The following DDHD1 variants were observed in gnomAD, a reference collection of about 807,000 sequenced individuals.
DDHD1 encodes the protein DDHD domain containing 1.
A neutral mutation model predicts 96.4 loss-of-function variants in DDHD1; 49 were observed. That is an observed-to-expected ratio of 0.51 (90% CI 0.40 to 0.64). The LOEUF (loss-of-function observed/expected upper bound fraction) is 0.64, where lower values mean the gene tolerates loss of function less well. Ranked by LOEUF, DDHD1 falls within the 30% of genes least tolerant of loss-of-function variation. The probability of loss-of-function intolerance (pLI) is 0.00; values close to 1 mark genes in which losing one functional copy is unlikely to be tolerated. For synonymous variants in DDHD1, 442 were observed against 446.5 expected (o/e 0.99, Z 0.13); for missense variants, 1,106 against 1,161.2 (o/e 0.95, Z 0.69).
chr14:53,050,812 A>G (rs1882477253), intron 12 of DDHD1, among the ~76,000 whole-genome samples: 1 of 152,096 alleles, frequency 6.6e-6, no homozygotes, highest in Non-Finnish European at 1.5e-5. Context: ...CTACAGGTTT[A>G]ACTACTTAGG....
intron 8 of DDHD1, among the ~76,000 whole-genome samples, chr14:53,059,415 T>C (rs1012152735): frequency 2.0e-5 from 3 of 151,750 alleles, no homozygotes; most frequent in Admixed American, 6.6e-5. Context: ...CAGCTAATTT[T>C]TTTGTATTTT....
chr14:53,149,686 T>C (rs1167935096), intron 1 of DDHD1: 1 of 152,160 alleles, frequency 6.6e-6, no homozygotes, highest in Non-Finnish European at 1.5e-5. Flanking sequence ...AAAATATAGA[T>C]AAAAATAGGT....
At chr14:53,070,220 G>A (rs1884400898) in intron 6 of DDHD1, among the ~76,000 whole-genome samples, 1 of 152,124 alleles carries the variant, frequency 6.6e-6, no homozygotes, top group African/African-American at 2.4e-5. Flanking sequence ...TAAAACTCCA[G>A]AAGGAAATCG....
At chr14:53,105,615 A>C (rs1294467041) in intron 1 of DDHD1, among the ~76,000 whole-genome samples, 1 of 151,926 alleles carries the variant, frequency 6.6e-6, no homozygotes, top group African/African-American at 2.4e-5. Context: ...CTGATTTCTT[A>C]TTTTTTCCAT....
intron 2 of DDHD1, among the ~76,000 whole-genome samples, chr14:53,099,697 T>C (rs1021202160): frequency 2.6e-5 from 4 of 152,212 alleles, no homozygotes; most frequent in African/African-American, 4.8e-5. Flanking sequence ...AAATTACTTG[T>C]TGACATCTTG....
intron 1 of DDHD1, among the ~76,000 whole-genome samples, chr14:53,120,117 C>G (rs1398255211): frequency 6.6e-6 from 1 of 152,152 alleles, no homozygotes; most frequent in Non-Finnish European, 1.5e-5. Context: ...GACACAAAAT[C>G]AATGTGCAAA....
intron 4 of DDHD1, among the ~76,000 whole-genome samples, chr14:53,078,864 T>C (rs1385129432): frequency 4.6e-5 from 7 of 152,300 alleles, no homozygotes; most frequent in Middle Eastern, 6.8e-3. Flanking sequence ...CTTTACCAGG[T>C]TGAGAAAGTT....
chr14:53,095,138 A>C (rs1886775208), intron 2 of DDHD1, among the ~76,000 whole-genome samples: 1 of 152,242 alleles, frequency 6.6e-6, no homozygotes, highest in Non-Finnish European at 1.5e-5. Flanking sequence ...GAGGACCTTA[A>C]GCTTTTCCTT....
At position 53,063,041 on chromosome 14, in the gene DDHD1, A is replaced by G. The variant is rs1817397565; in HGVS notation, c.1668T>C (p.Tyr556=). ...CTTCTTCCTTTTGCAGCAACTGTTC[A>G]TACAGCCGAACTGGATTCCAGCCAG... ...IMTGWNPVRL[Y]EQLLQKEEEL... is the part of the protein sequence containing the mutation. The change falls in exon 7 of 13, where the codon TAT becomes TAC. Residue 556 remains tyrosine (Y), a synonymous_variant. Transcript: ENST00000673822. 1.2e-6 allele frequency: 2 copies of G among 1,614,154 alleles called. No individual in the cohort carries two copies. Among genetic ancestry groups the G allele is most frequent in the Non-Finnish European group, 1.7e-6 (2 of 1,179,992 alleles).
chr14:53,083,914 T>G (rs941346270), intron 4 of DDHD1, among the ~76,000 whole-genome samples: 3 of 142,096 alleles, frequency 2.1e-5, no homozygotes, highest in Admixed American at 6.8e-5. Context: ...GACACTTGGG[T>G]TTTTTTTTGA....
chr14:53,052,032 G>C, intron 11 of DDHD1, 105 bp from the exon 12 acceptor site: 1 of 779,648 alleles, frequency 1.3e-6, no homozygotes, highest in Non-Finnish European at 2.1e-6. Flanking sequence ...CAAATAAACT[G>C]ACTAAATCTA....
chr14:53,108,461 A>G (rs938872513), intron 1 of DDHD1, among the ~76,000 whole-genome samples: 4 of 152,218 alleles, frequency 2.6e-5, no homozygotes, highest in Non-Finnish European at 5.9e-5. Context: ...GCTTGGAAGC[A>G]GCCCGCTGCC....
chr14:53,097,453 T>C (rs533874433), intron 2 of DDHD1, among the ~76,000 whole-genome samples: 33 of 152,114 alleles, frequency 2.2e-4, no homozygotes, highest in Non-Finnish European at 8.8e-5. Flanking sequence ...TGACAACTGA[T>C]GCAATTTTCT....
In DDHD1 at chr14:53,082,376, CATAA is replaced by C. The variant is rs1404271737; in HGVS notation, c.1290-8533_1290-8530del. Among the ~76,000 whole-genome samples the C allele has an allele frequency of 5.6e-5, 8 of 142,672 alleles. No individual in the cohort carries two copies. The South Asian group carries it at 1.1e-3, about 20-fold the overall frequency. 93.6% of individuals were successfully genotyped at this position (142,672 alleles called of 152,430 possible). On this transcript the variant is annotated intron_variant, in intron 4 of 12. Coordinates refer to ENST00000673822, the MANE Select transcript of DDHD1 (RefSeq NM_001160148.2). ...TGGTTTTAAGAAAATATATGTGTGACATAAATATAGAAAAAAATAGAAAAAGATA... is the reference window on the plus strand; with the variant it reads ...TGGTTTTAAGAAAATATATGTGTGACATATAGAAAAAAATAGAAAAAGATA...
chr14:53,054,469 TG>T lies in DDHD1; in HGVS notation c.2405del (p.Pro802HisfsTer31). The stretch of plus-strand genomic sequence containing the variant: ...AATCGAGGAAGCCAGAACTGCTATG[TG>T]GAAGGGTCTGTGTCCCTACGGTGGT... ...SATTVGTQTLPHSSSGFLDSA... is the reference protein window; with the variant it reads ...SATTVGTQTLXHSSSGFLDSA... On this transcript the variant is annotated frameshift_variant, in exon 11 of 13. Transcript: ENST00000673822. LOFTEE classifies it high-confidence loss of function. 1 of 1,614,108 alleles carries T rather than the reference TG, an allele frequency of 6.2e-7. No individual in the cohort carries two copies. The highest frequency in any genetic ancestry group is 1.1e-5 in the South Asian group (1 of 91,072).
chr14:53,052,112 A>G (rs979142148), intron 11 of DDHD1, among the ~76,000 whole-genome samples, 185 bp from the exon 12 acceptor site: 3 of 152,038 alleles, frequency 2.0e-5, no homozygotes, highest in Non-Finnish European at 4.4e-5. Context: ...AGCATAACTA[A>G]CTTGAAATAT....
chr14:53,073,069 T>C (rs1884656281), intron 5 of DDHD1, among the ~76,000 whole-genome samples: 1 of 152,054 alleles, frequency 6.6e-6, no homozygotes, highest in African/African-American at 2.4e-5. Context: ...CAGCTGCTAA[T>C]ATTATATCCA....
intron 1 of DDHD1, among the ~76,000 whole-genome samples, chr14:53,108,415 A>G (rs1887861300): frequency 6.6e-6 from 1 of 152,192 alleles, no homozygotes; most frequent in South Asian, 2.1e-4. Context: ...CGTGAGGCCA[A>G]GAACCCCAGG....
chr14:53,140,914 G>T (rs139749606), intron 1 of DDHD1, among the ~76,000 whole-genome samples: 1 of 152,110 alleles, frequency 6.6e-6, no homozygotes, highest in African/African-American at 2.4e-5. Context: ...AATCTAGAGT[G>T]GCTATATTAG....
Sources: gnomAD v4.1 joint callset for allele counts (sites outside exome capture counted in the v4.1 genomes callset) on GRCh38, gnomAD v4.1.1 for gene constraint, MANE v1.5 for transcripts, NCBI Gene and HGNC (gene_info 2026-07-23, HGNC 2026-07-21) for gene names.